PCDHGA2: variants seen among roughly 807,000 people sequenced by gnomAD.
The protein encoded by PCDHGA2 is protocadherin gamma-A2.
A neutral mutation model predicts 59.2 loss-of-function variants in PCDHGA2; 40 were observed. The ratio of observed to expected loss-of-function variants is 0.68; its 90% CI spans 0.52 to 0.88. The LOEUF (loss-of-function observed/expected upper bound fraction) is 0.88, where lower values mean the gene tolerates loss of function less well. Ranked by LOEUF, PCDHGA2 falls within the 40% of genes least tolerant of loss-of-function variation. The pLI, the probability that PCDHGA2 is intolerant of heterozygous loss-of-function variation, is 0.00. For synonymous variants in PCDHGA2, 560 were observed against 526.0 expected (o/e 1.06, Z -0.89); for missense variants, 1,226 against 1,204.0 (o/e 1.02, Z -0.27).
At position 141,459,716 on chromosome 5, in the gene PCDHGA2, C is replaced by T. The variant is rs1592633942; in HGVS notation, c.2425-35091C>T. On this transcript the variant is annotated intron_variant, in intron 1 of 3. Coordinates refer to ENST00000394576, the MANE Select transcript of PCDHGA2 (RefSeq NM_018915.4). ...CGCTTGCTACATTTTCTCACCAATG[C>T]TTCCTATTGTCAATTTTTTAAATTT... is the stretch of plus-strand genomic sequence containing the variant. Among the ~76,000 whole-genome samples the T allele has an allele frequency of 2.0e-5, 3 of 152,334 alleles. No homozygotes were observed. In the South Asian group the frequency reaches 6.2e-4, roughly 32 times the overall value.
Position 141,476,191 on chromosome 5 carries a change from C to T in PCDHGA2, c.2425-18616C>T. The T allele has an allele frequency of 6.2e-7, 1 of 1,613,860 alleles. No homozygotes were observed. The highest frequency in any genetic ancestry group is 8.5e-7 in the Non-Finnish European group (1 of 1,180,006). ...TGGGAGTTTTGCTTCTGCTTGGTGC[C>T]TTGAACAAGGCTTCCACGGTCATTC... On this transcript the variant is annotated intron_variant, in intron 1 of 3. Transcript: ENST00000394576. This position sits in a 1 kb window ranked among gnomAD's most constrained non-coding sequence, Gnocchi z 7.6.
chr5:141,465,019 G>T (rs533151051), intron 1 of PCDHGA2, among the ~76,000 whole-genome samples: 1 of 151,978 alleles, frequency 6.6e-6, no homozygotes, highest in Non-Finnish European at 1.5e-5. Context: ...TAAGATTACA[G>T]CCATGAACCA....
intron 1 of PCDHGA2, among the ~76,000 whole-genome samples, chr5:141,472,561 T>C (rs1000220187): frequency 2.6e-5 from 4 of 151,632 alleles, no homozygotes; most frequent in African/African-American, 9.7e-5. Flanking sequence ...AATTATATTA[T>C]AAATGCTGCA....
At chr5:141,499,570 A>C (rs1027373056) in intron 2 of PCDHGA2, among the ~76,000 whole-genome samples, 2 of 152,200 alleles carry the variant, frequency 1.3e-5, no homozygotes, top group Non-Finnish European at 2.9e-5. Flanking sequence ...TCCAGCTTCA[A>C]CTAATGCCTT....
rs755293492 is a variant in PCDHGA2 at position 141,394,003 on chromosome 5, C to A, written c.2424+52608C>A. On this transcript the variant is annotated intron_variant, in intron 1 of 3. Transcript: ENST00000394576. ...AATTTACCTTTTAAATTAGAAAAGT[C>A]AATAGGTAATTATTATAGATTAGTG... The A allele has an allele frequency of 1.9e-6, 3 of 1,613,310 alleles. No homozygotes were observed. The South Asian group carries it at 3.3e-5, about 18-fold the overall frequency.
chr5:141,472,623 TAA>T (rs2099291037), intron 1 of PCDHGA2, among the ~76,000 whole-genome samples: 1 of 152,018 alleles, frequency 6.6e-6, no homozygotes, highest in Non-Finnish European at 1.5e-5. Context: ...AGAAAAAAGA[TAA>T]AGACTGGGAA....
intron 1 of PCDHGA2, chr5:141,385,196 G>C (rs760255338): frequency 3.7e-5 from 60 of 1,614,112 alleles, no homozygotes; most frequent in Non-Finnish European, 5.1e-5. Flanking sequence ...TCTCGGAAGA[G>C]TCACCTGATC....
intron 1 of PCDHGA2, chr5:141,423,620 C>T: frequency 6.2e-7 from 1 of 1,608,268 alleles, no homozygotes; most frequent in Middle Eastern, 1.7e-4. Context: ...GCTGAAGACT[C>T]AGCTATCATT....
At chr5:141,437,047 G>C (rs2097860477) in intron 1 of PCDHGA2, among the ~76,000 whole-genome samples, 1 of 152,214 alleles carries the variant, frequency 6.6e-6, no homozygotes, top group Admixed American at 6.5e-5. Context: ...AAACCAGAAG[G>C]CTGGTGATCA....
rs144482292 is a variant in PCDHGA2 at position 141,385,630 on chromosome 5, C to T, written c.2424+44235C>T. 4.8e-3 allele frequency: 4,617 copies of T among 957,834 alleles called. 22 individuals are homozygous for T. The highest frequency in any genetic ancestry group is 0.011 in the Admixed American group (240 of 22,730). The allele number at this position is 957,834 out of a possible 1,614,324, so 59.3% of individuals were successfully genotyped here. ...ATATATTTTATACATTGGAATGAAT[C>T]GAGTCTTTCATATTGCACAAGGTTA... is the stretch of plus-strand genomic sequence containing the variant. On this transcript the variant is annotated intron_variant, in intron 1 of 3. Coordinates refer to ENST00000394576, the MANE Select transcript of PCDHGA2 (RefSeq NM_018915.4).
chr5:141,407,505 T>TTTTTTTTTTTTTTTTTTTTTTTTTTGAG (rs1460306566), intron 1 of PCDHGA2, among the ~76,000 whole-genome samples: 1 of 152,146 alleles, frequency 6.6e-6, no homozygotes, highest in Non-Finnish European at 1.5e-5. Context: ...CTGTTTTTCT[T>TTTTTTTTTTTTTTTTTTTTTTTTTTGAG]AGGCTATGTA....
At chr5:141,404,950 C>T (rs2094588760) in intron 1 of PCDHGA2, 2 of 1,613,968 alleles carry the variant, frequency 1.2e-6, no homozygotes, top group East Asian at 4.5e-5. Flanking sequence ...CCATAGCTGA[C>T]AGCATCCCAG....
At chr5:141,344,308 G>A (rs1018408002) in intron 1 of PCDHGA2, 3 of 1,614,068 alleles carry the variant, frequency 1.9e-6, no homozygotes, top group East Asian at 2.2e-5. Context: ...AGGATAGACC[G>A]GGAGGAGCTC....
chr5:141,376,773 G>C (rs1773367206), intron 1 of PCDHGA2: 1 of 400,516 alleles, frequency 2.5e-6, no homozygotes, highest in South Asian at 3.1e-5. Context: ...TGCAAGCTCC[G>C]CTTCCCGGGT....
chr5:141,346,123 T>A, intron 1 of PCDHGA2: 3 of 1,613,902 alleles, frequency 1.9e-6, no homozygotes, highest in Non-Finnish European at 2.5e-6. Context: ...GTGGTGGCGG[T>A]GGCCGCGGTC....
intron 1 of PCDHGA2, chr5:141,416,991 T>A (rs1052950610): frequency 2.0e-5 from 3 of 151,906 alleles, no homozygotes; most frequent in Non-Finnish European, 4.4e-5. Context: ...TTATTGTGCA[T>A]TCATCTCAAA....
Position 141,476,102 on chromosome 5 carries a change from C to G in PCDHGA2, c.2425-18705C>G, listed in dbSNP as rs1488747783. The G allele has an allele frequency of 1.3e-6, 2 of 1,576,940 alleles. No homozygotes were observed. Among genetic ancestry groups the G allele is most frequent in the African/African-American group, 2.7e-5 (2 of 73,926 alleles). ...ACGATCTGGACCCCGCTGAGAGGAA[C>G]TGCTTTTGAGTGAGATGGTCCCAGA... On this transcript the variant is annotated intron_variant, in intron 1 of 3. Transcript: ENST00000394576. The surrounding 1 kb of genome is among the most constrained non-coding windows in gnomAD (Gnocchi z 7.6).
chr5:141,395,157 C>T (rs1217678334), intron 1 of PCDHGA2: 4 of 1,614,174 alleles, frequency 2.5e-6, no homozygotes, highest in Admixed American at 1.7e-5. Context: ...GCTCATCAGT[C>T]AGGAGGGCTG....
intron 1 of PCDHGA2, chr5:141,433,370 T>TCTAA (rs1466476027): frequency 1.8e-6 from 1 of 554,768 alleles, no homozygotes; most frequent in African/African-American, 1.9e-5. Context: ...TATCTATCTA[T>TCTAA]CTATCTATCT....
Sources: gnomAD v4.1 joint callset for allele counts (sites outside exome capture counted in the v4.1 genomes callset) on GRCh38, gnomAD v4.1.1 for gene constraint, Gnocchi (gnomAD v3.1) non-coding constraint, MANE v1.5 for transcripts, NCBI Gene and HGNC (gene_info 2026-07-23, HGNC 2026-07-21) for gene names.